The following HNF4A variants were observed in gnomAD, a reference collection of about 807,000 sequenced individuals.
HNF4A encodes hepatocyte nuclear factor 4 alpha, also known as hepatocyte nuclear factor 4-alpha.
In HNF4A, 15 loss-of-function variants were observed where a neutral mutation model predicts 52.4. The ratio of observed to expected loss-of-function variants is 0.29; its 90% CI spans 0.19 to 0.44. The LOEUF (loss-of-function observed/expected upper bound fraction) is 0.44. HNF4A is among the 20% of genes least tolerant of loss of function. HNF4A has a pLI of 1.00. For synonymous variants in HNF4A, 280 were observed against 264.4 expected, an observed-to-expected ratio of 1.06 and a Z score of -0.57; for missense variants, 479 against 647.2, an observed-to-expected ratio of 0.74 and a Z score of 2.82.
chr20:44,376,282 T>G (rs1449911199), intron 1 of HNF4A, among the ~76,000 whole-genome samples: 2 of 151,954 alleles, frequency 1.3e-5, no homozygotes, highest in African/African-American at 4.8e-5. Context: ...AAAATATATA[T>G]ATAGATTTCT....
intron 4 of HNF4A, among the ~76,000 whole-genome samples, chr20:44,414,188 G>T (rs1656112093): frequency 2.0e-5 from 3 of 152,242 alleles, no homozygotes; most frequent in Admixed American, 2.0e-4. Flanking sequence ...CTGAGCCATG[G>T]TTGCCTCATT....
chr20:44,385,059 C>CTTTTTGTTTTTTTTTTTTTTTTTTTTTTT (rs2063204036), intron 1 of HNF4A, among the ~76,000 whole-genome samples: 1 of 34,970 alleles, frequency 2.9e-5, no homozygotes, highest in African/African-American at 1.3e-4. Flanking sequence ...ACTCTGTGAT[C>CTTTTTGTTTTTTTTTTTTTTTTTTTTTTT]TTTTTTTTTT....
chr20:44,379,508 A>C (rs114938833), intron 1 of HNF4A, among the ~76,000 whole-genome samples: 156 of 151,870 alleles, frequency 1.0e-3, no homozygotes, highest in African/African-American at 3.6e-3. Context: ...TATCCATCCT[A>C]ATGGGTGTGA....
In HNF4A at chr20:44,413,647, T is replaced by C. The variant is rs190319886; in HGVS notation, c.386-47T>C. 2.4e-3 allele frequency: 2,667 copies of C among 1,101,800 alleles called. 32 individuals are homozygous for C. Among genetic ancestry groups the C allele is most frequent in the African/African-American group, 0.021 (1,327 of 62,058 alleles). 68.3% of individuals were successfully genotyped at this position (1,101,800 alleles called of 1,614,324 possible). On this transcript the variant is annotated intron_variant, in intron 3 of 9. Transcript: ENST00000316099. ...ATCAGTCACAGACACCCCCACCCCC[T>C]ACTCCATCCCTGTTCTCCCTCCTCA... is the stretch of plus-strand genomic sequence containing the variant.
In HNF4A at chr20:44,407,903, G is replaced by C. The variant is rs550958619; in HGVS notation, c.385+428G>C. Among the ~76,000 whole-genome samples, 28 of 152,328 alleles carry C rather than the reference G, an allele frequency of 1.8e-4. No homozygotes were observed. The East Asian group carries it at 5.4e-3, about 29-fold the overall frequency. Reference sequence around the variant, plus strand: ...GGACAGCCAGAGGAGCCCGATGCCTGAGCTTCCGGTCCCAGGGACAAATGC... The same window carrying C: ...GGACAGCCAGAGGAGCCCGATGCCTCAGCTTCCGGTCCCAGGGACAAATGC... On this transcript the variant is annotated intron_variant, in intron 3 of 9. Coordinates refer to ENST00000316099, the MANE Select transcript of HNF4A (RefSeq NM_000457.6).
chr20:44,425,841 A>G (rs6031594), intron 8 of HNF4A, among the ~76,000 whole-genome samples: 64,696 of 151,422 alleles, frequency 0.43, 14,868 homozygotes, highest in Middle Eastern at 0.57. Context: ...CTTATTTTTT[A>G]TAGAGACAAG....
chr20:44,403,103 G>A (rs979567574), intron 1 of HNF4A, among the ~76,000 whole-genome samples: 1 of 152,184 alleles, frequency 6.6e-6, no homozygotes, highest in African/African-American at 2.4e-5. Flanking sequence ...GGAGTGTTGT[G>A]TGGCCCCACG....
chr20:44,384,001 C>A (rs1450252624), intron 1 of HNF4A, among the ~76,000 whole-genome samples: 2 of 152,014 alleles, frequency 1.3e-5, no homozygotes, highest in South Asian at 4.1e-4. Flanking sequence ...CAGGCACATG[C>A]CACCACACCC....
intron 1 of HNF4A, chr20:44,402,434 G>A: frequency 2.1e-6 from 1 of 472,030 alleles, no homozygotes; most frequent in South Asian, 1.8e-5. Flanking sequence ...TCCCTGTGCT[G>A]CGGGCGGGGG....
chr20:44,429,669 G>A lies in HNF4A; in HGVS notation c.*4G>A, dbSNP rs193922468. The A allele has an allele frequency of 6.6e-5, 106 of 1,613,962 alleles. 1 individual carries two copies. Among genetic ancestry groups the A allele is most frequent in the Middle Eastern group, 1.6e-4 (1 of 6,084 alleles). Reference sequence around the variant, plus strand: ...CACCAAGCAGGAAGTTATCTAGCAAGCCGCTGGGGCTTGGGGGCTCCACTG... The same window carrying A: ...CACCAAGCAGGAAGTTATCTAGCAAACCGCTGGGGCTTGGGGGCTCCACTG... On this transcript the variant is annotated 3_prime_UTR_variant, in exon 10 of 10. Coordinates refer to ENST00000316099, the MANE Select transcript of HNF4A (RefSeq NM_000457.6).
upstream of HNF4A, among the ~76,000 whole-genome samples, chr20:44,398,156 A>G (rs569960348): frequency 1.3e-5 from 2 of 152,342 alleles, no homozygotes; most frequent in African/African-American, 4.8e-5. Context: ...TTGCGTTCTT[A>G]GCCATTGTCA....
intron 1 of HNF4A, among the ~76,000 whole-genome samples, chr20:44,381,289 T>G (rs1357452157): frequency 6.6e-6 from 1 of 151,076 alleles, no homozygotes; most frequent in Non-Finnish European, 1.5e-5. Flanking sequence ...CTTTTTTTTT[T>G]TTTTTTTTTG....
At chr20:44,408,168 A>T (rs1047811712) in intron 3 of HNF4A, 1 of 157,320 alleles carries the variant, frequency 6.4e-6, no homozygotes, top group African/African-American at 2.4e-5. Context: ...TATATGGGAA[A>T]ATGTTGTGAA....
chr20:44,358,418 T>C (rs2062882079), intron 1 of HNF4A, among the ~76,000 whole-genome samples: 1 of 152,106 alleles, frequency 6.6e-6, no homozygotes, highest in African/African-American at 2.4e-5. Context: ...GAGACCAGCC[T>C]GGCCAACATG....
chr20:44,361,444 C>T (rs2146156541), intron 1 of HNF4A, among the ~76,000 whole-genome samples: 1 of 152,342 alleles, frequency 6.6e-6, no homozygotes, highest in African/African-American at 2.4e-5. Context: ...CTTCAACAAT[C>T]TTCCACTGGA....
chr20:44,357,547 G>A (rs571329934), intron 1 of HNF4A, among the ~76,000 whole-genome samples: 71 of 152,228 alleles, frequency 4.7e-4, no homozygotes, highest in Middle Eastern at 3.4e-3. Context: ...CTTAAAGGAT[G>A]ATACAATAAT....
At chr20:44,391,689 G>C (rs2063303673) in intron 1 of HNF4A, among the ~76,000 whole-genome samples, 1 of 152,196 alleles carries the variant, frequency 6.6e-6, no homozygotes, top group African/African-American at 2.4e-5. Flanking sequence ...AGCTGCTATG[G>C]AAGCATCTCC....
chr20:44,391,750 G>C (rs2063304458), intron 1 of HNF4A, among the ~76,000 whole-genome samples: 1 of 152,194 alleles, frequency 6.6e-6, no homozygotes, highest in Non-Finnish European at 1.5e-5. Flanking sequence ...TGTAAGAGCA[G>C]AGGCTACTCA....
chr20:44,378,486 T>C (rs998627719), intron 1 of HNF4A, among the ~76,000 whole-genome samples: 7 of 152,112 alleles, frequency 4.6e-5, no homozygotes, highest in African/African-American at 1.7e-4. Flanking sequence ...CAGGCTGGTC[T>C]TGAACACCTG....
Sources: allele counts gnomAD v4.1 joint callset (sites outside exome capture counted in the v4.1 genomes callset), GRCh38; gene constraint gnomAD v4.1.1; transcripts MANE v1.5; gene names NCBI Gene and HGNC (gene_info 2026-07-23, HGNC 2026-07-21).